The following CCDC171 variants were observed in gnomAD, a reference collection of about 807,000 sequenced individuals.
The protein encoded by CCDC171 is coiled-coil domain containing 171, also known as coiled-coil domain-containing protein 171.
A neutral mutation model predicts 168.2 loss-of-function variants in CCDC171; 177 were observed. The ratio of observed to expected loss-of-function variants is 1.05; its 90% CI spans 0.93 to 1.19. CCDC171 has a LOEUF of 1.19. Ranked by LOEUF, CCDC171 falls within the 50% of genes most tolerant of loss-of-function variation. CCDC171 has a pLI of 0.00. For synonymous variants in CCDC171, 687 were observed against 540.8 expected (o/e 1.27, Z -3.75); for missense variants, 1,991 against 1,539.0 (o/e 1.29, Z -4.91).
intron 3 of CCDC171, among the ~76,000 whole-genome samples, chr9:15,980,775 C>T (rs1831767590): frequency 6.6e-6 from 1 of 151,604 alleles, no homozygotes; most frequent in South Asian, 2.1e-4. Flanking sequence ...TTCAAAGCAC[C>T]TGCTACGTAC....
At chr9:16,075,879 ATAG>A in the CCDC171 span, among the ~76,000 whole-genome samples, 12 of 149,944 alleles carry the variant, frequency 8.0e-5, no homozygotes, top group African/African-American at 3.0e-4. Flanking sequence ...ACAGCACAGC[ATAG>A]CATAGCATAG....
intron 12 of CCDC171, 137 bp downstream of exon 12, chr9:15,722,012 C>T (rs2053515520): frequency 2.7e-6 from 1 of 371,088 alleles, no homozygotes; most frequent in Non-Finnish European, 4.8e-6. Flanking sequence ...AATAAATTAT[C>T]TTTCGCTGTT....
intron 7 of CCDC171, among the ~76,000 whole-genome samples, chr9:15,630,341 C>T (rs1373130408): frequency 1.3e-5 from 2 of 151,866 alleles, no homozygotes; most frequent in Non-Finnish European, 2.9e-5. Flanking sequence ...ATCTACCAAG[C>T]AAATGGAAAA....
intron 13 of CCDC171, 34 bp from the exon 14 acceptor site, chr9:15,724,742 T>C: frequency 6.5e-7 from 1 of 1,529,268 alleles, no homozygotes; most frequent in Non-Finnish European, 9.0e-7. Context: ...TTGGCTGGCC[T>C]TTCTACAATC....
Position 15,920,418 on chromosome 9 carries a change from A to C in CCDC171, c.3749A>C (p.Gln1250Pro), listed in dbSNP as rs776588785. ...TGTTTACGTGAAAATGCAAGTTTAC[A>C]ATCAGTAAGTCCTTGTCTAACAATA... The part of the protein sequence containing the change: ...TACLRENASL[Q>P]SIGSRDHSNL... Residue 1250 changes from glutamine to proline, a missense_variant, in exon 25 of 26, where the codon CAA (glutamine) becomes CCA (proline). Physicochemically the swap from Gln to Pro is moderately conservative, Grantham distance 76. Coordinates refer to ENST00000380701, the MANE Select transcript of CCDC171 (RefSeq NM_173550.4). 1.9e-6 allele frequency: 3 copies of C among 1,602,740 alleles called. No individual in the cohort carries two copies. The highest frequency in any genetic ancestry group is 2.7e-5 in the African/African-American group (2 of 74,556).
chr9:15,921,670 C>T (rs1025189315), intron 25 of CCDC171, among the ~76,000 whole-genome samples: 1 of 151,372 alleles, frequency 6.6e-6, no homozygotes, highest in East Asian at 1.9e-4. Context: ...TTATTTGGGA[C>T]CAGAGTTGTG....
intron 25 of CCDC171, among the ~76,000 whole-genome samples, chr9:15,940,987 A>G (rs1827650747): frequency 6.6e-6 from 1 of 151,944 alleles, no homozygotes. Context: ...TGGACTAGAT[A>G]ATCTCTAAGG....
At chr9:15,741,429 T>G (rs2054874219) in intron 16 of CCDC171, among the ~76,000 whole-genome samples, 1 of 152,230 alleles carries the variant, frequency 6.6e-6, no homozygotes. Context: ...AGCGTAATTT[T>G]TCAATTTATG....
At chr9:15,623,957 T>C (rs1214717991) in intron 7 of CCDC171, among the ~76,000 whole-genome samples, 4 of 152,190 alleles carry the variant, frequency 2.6e-5, no homozygotes, top group East Asian at 1.9e-4. Context: ...AATTGATTTG[T>C]TAGTTCATCT....
intron 7 of CCDC171, among the ~76,000 whole-genome samples, chr9:15,625,927 A>T (rs1297411293): frequency 1.3e-5 from 2 of 152,078 alleles, no homozygotes; most frequent in Non-Finnish European, 2.9e-5. Context: ...CATTTTCACG[A>T]TATTGCTTCT....
chr9:15,783,775 T>C (rs2057792617), intron 20 of CCDC171, among the ~76,000 whole-genome samples: 1 of 152,198 alleles, frequency 6.6e-6, no homozygotes, highest in Admixed American at 6.5e-5. Flanking sequence ...GCAGTCATGA[T>C]ATTGTAAAAA....
At chr9:15,942,065 G>A (rs902665041) in intron 25 of CCDC171, among the ~76,000 whole-genome samples, 4 of 151,714 alleles carry the variant, frequency 2.6e-5, no homozygotes, top group African/African-American at 9.7e-5. Flanking sequence ...TTTTTCCCAA[G>A]TTTTAAATCC....
At position 15,784,712 on chromosome 9, in the gene CCDC171, T is replaced by A. The variant is rs1441554315; in HGVS notation, c.3267+18T>A. The A allele has an allele frequency of 8.8e-6, 14 of 1,583,182 alleles. No individual in the cohort carries two copies. The highest frequency in any genetic ancestry group is 1.4e-5 in the African/African-American group (1 of 74,036). Reference sequence around the variant, plus strand: ...CTGTTAAGGTAAGAGAATAAAGGGATATTTGCATAAAGGGATATTTTATCT... The same window carrying A: ...CTGTTAAGGTAAGAGAATAAAGGGAAATTTGCATAAAGGGATATTTTATCT... On this transcript the variant is annotated intron_variant, in intron 21 of 25. Coordinates refer to ENST00000380701, the MANE Select transcript of CCDC171 (RefSeq NM_173550.4).
chr9:15,765,048 G>A (rs1266146134), intron 18 of CCDC171, among the ~76,000 whole-genome samples: 2 of 152,198 alleles, frequency 1.3e-5, no homozygotes, highest in African/African-American at 4.8e-5. Flanking sequence ...TGTTTTACAA[G>A]TAGGAGTGTA....
chr9:15,764,841 C>A (rs372572626), intron 18 of CCDC171, among the ~76,000 whole-genome samples: 1 of 152,120 alleles, frequency 6.6e-6, no homozygotes, highest in African/African-American at 2.4e-5. Context: ...AATAGTGAAG[C>A]CTGCATTCCA....
chr9:15,982,131 G>A lies in CCDC171; in HGVS notation n.369-38458G>A, dbSNP rs182591717. Among the ~76,000 whole-genome samples, 181 of 152,288 alleles carry A rather than the reference G, an allele frequency of 1.2e-3. 1 individual carries two copies. Among genetic ancestry groups the A allele is most frequent in the Admixed American group, 5.6e-3 (85 of 15,300 alleles). ...TGTATGGAGCATACTGAAGGCTGAT[G>A]TATGAGTGCTGCAAATTAAGGTGTT... is the stretch of plus-strand genomic sequence containing the variant. On this transcript the variant is annotated intron_variant and non_coding_transcript_variant, in intron 3 of 9. Coordinates refer to the CCDC171 transcript ENST00000486641.
chr9:15,847,723 C>T (rs960518135), intron 22 of CCDC171, among the ~76,000 whole-genome samples: 3 of 151,952 alleles, frequency 2.0e-5, no homozygotes, highest in African/African-American at 7.2e-5. Flanking sequence ...CATAAAATAT[C>T]GTCAGATATG....
chr9:15,797,423 C>G (rs1416914789), intron 21 of CCDC171, among the ~76,000 whole-genome samples: 1 of 152,042 alleles, frequency 6.6e-6, no homozygotes, highest in East Asian at 1.9e-4. Context: ...TCCATGTTGC[C>G]CAGGCTGGTC....
chr9:15,669,659 G>A (rs2048970053), intron 9 of CCDC171, among the ~76,000 whole-genome samples: 1 of 151,974 alleles, frequency 6.6e-6, no homozygotes, highest in African/African-American at 2.4e-5. Flanking sequence ...CTGATTGCTG[G>A]GCAATAGTAG....
Sources: allele counts gnomAD v4.1 joint callset (sites outside exome capture counted in the v4.1 genomes callset), GRCh38; gene constraint gnomAD v4.1.1; transcripts MANE v1.5; gene names NCBI Gene and HGNC (gene_info 2026-07-23, HGNC 2026-07-21).